CWC27: variants seen among roughly 807,000 people sequenced by gnomAD.
CWC27 encodes the protein spliceosome-associated protein CWC27 homolog.
In CWC27, 47 loss-of-function variants were observed where a neutral mutation model predicts 63.6. The ratio of observed to expected loss-of-function variants is 0.74; its 90% CI spans 0.58 to 0.94. The LOEUF is 0.94. Among genes scored for constraint, CWC27 ranks in the 40% least tolerant of loss-of-function variants. The pLI, the probability that CWC27 is intolerant of heterozygous loss-of-function variation, is 0.00. For missense variants in CWC27, 495 were observed against 554.3 expected, an observed-to-expected ratio of 0.89 and a Z score of 1.07; for synonymous variants, 175 against 179.8, an observed-to-expected ratio of 0.97 and a Z score of 0.22.
intron 10 of CWC27, among the ~76,000 whole-genome samples, chr5:64,863,717 G>T (rs772726745): frequency 1.3e-5 from 2 of 152,074 alleles, no homozygotes; most frequent in Admixed American, 6.6e-5. Context: ...TCAAACTCCT[G>T]GCTTCAAGTG....
At chr5:64,792,536 CTTT>C (rs951751919) in intron 7 of CWC27, among the ~76,000 whole-genome samples, 6 of 152,082 alleles carry the variant, frequency 3.9e-5, no homozygotes, top group African/African-American at 1.2e-4. Flanking sequence ...TTTTAAAAAT[CTTT>C]TTTTTCTTAC....
chr5:64,941,130 C>G (rs1748471225), intron 11 of CWC27, among the ~76,000 whole-genome samples: 1 of 152,104 alleles, frequency 6.6e-6, no homozygotes, highest in South Asian at 2.1e-4. Context: ...TTGAGCACTT[C>G]CTTGTTTTCT....
chr5:64,807,654 C>G (rs1744732168), intron 10 of CWC27: 7 of 1,535,904 alleles, frequency 4.6e-6, no homozygotes, highest in Non-Finnish European at 6.1e-6. Flanking sequence ...CAGAATCACA[C>G]AGGCATATAC....
chr5:64,858,879 A>T (rs530829209), intron 10 of CWC27, among the ~76,000 whole-genome samples: 1 of 152,376 alleles, frequency 6.6e-6, no homozygotes, highest in East Asian at 1.9e-4. Context: ...CATCATGCCC[A>T]GATATTTATG....
At chr5:64,913,201 A>G (rs1747825540) in intron 11 of CWC27, among the ~76,000 whole-genome samples, 1 of 152,154 alleles carries the variant, frequency 6.6e-6, no homozygotes, top group Non-Finnish European at 1.5e-5. Flanking sequence ...TTCAGTATGC[A>G]TTCATGATTT....
At chr5:64,841,715 G>T (rs62369322) in intron 10 of CWC27, among the ~76,000 whole-genome samples, 53,544 of 151,930 alleles carry the variant, frequency 0.35, 9,871 homozygotes, top group East Asian at 0.51. Flanking sequence ...TGCTCTTGTT[G>T]CCCAGGCTAG....
At position 65,018,618 on chromosome 5, in the gene CWC27, C is replaced by A. The variant is rs865996347; in HGVS notation, c.*297C>A. The stretch of plus-strand genomic sequence containing the variant: ...TTGCAGACTGCAAGCCTGTTTGTGT[C>A]CTTTTACCCTAAAATATATGAAGGC... On this transcript the variant is annotated 3_prime_UTR_variant, in exon 14 of 14. Transcript: ENST00000381070. The A allele has an allele frequency of 4.1e-4, 75 of 182,496 alleles. No homozygotes were observed. Among genetic ancestry groups the A allele is most frequent in the African/African-American group, 1.5e-3 (63 of 42,914 alleles). 11.3% of individuals were successfully genotyped at this position (182,496 alleles called of 1,614,324 possible). A position where few individuals can be genotyped will look rare whatever the true frequency, so the allele number is the denominator to read the frequency against.
rs79491563 is a variant in CWC27, at chr5:64,989,489, A to G, written c.1256+12251A>G. 1.7e-3 allele frequency among the ~76,000 whole-genome samples: 265 copies of G among 152,376 alleles called. 1 individual carries two copies. Among genetic ancestry groups the G allele is most frequent in the Non-Finnish European group, 3.3e-3 (224 of 68,038 alleles). On this transcript the variant is annotated intron_variant, in intron 13 of 13. Transcript: ENST00000381070. The stretch of plus-strand genomic sequence containing the variant: ...GAATTGCTATTAGAGAGAATAATGT[A>G]TTTCTTGGGAAAAGCACTGTGCCTT...
chr5:64,977,238 G>T lies in CWC27; in HGVS notation c.1256G>T (p.Trp419Leu). 1 of 1,596,318 alleles carries T rather than the reference G, an allele frequency of 6.3e-7. No homozygotes were observed. Among genetic ancestry groups the T allele is most frequent in the South Asian group, 1.1e-5 (1 of 89,876 alleles). ...PETEVEDDEGWMSHVLQFEDK... is the reference protein window; with the variant it reads ...PETEVEDDEGLMSHVLQFEDK... ...ACAGAAGTAGAAGATGATGAAGGAT[G>T]GTAAGGGCTTTGATTTCTGTATATT... The change falls in exon 13 of 14, where the codon TGG becomes TTG. Residue 419 changes from tryptophan to leucine, a missense_variant and splice_region_variant. Around this residue, in one of 3 missense-constraint regions of CWC27, gnomAD observed 463 missense variants for 498.1 expected, o/e 0.93. Transcript: ENST00000381070.
At position 64,821,086 on chromosome 5, in the gene CWC27, ATT is replaced by A. The variant is rs11388495; in HGVS notation, c.938+16718_938+16719del. Among the ~76,000 whole-genome samples, 162 of 132,654 alleles carry A rather than the reference ATT, an allele frequency of 1.2e-3. 1 individual carries two copies. The highest frequency in any genetic ancestry group is 4.3e-3 in the African/African-American group (154 of 35,418). 87.0% of individuals were successfully genotyped at this position (132,654 alleles called of 152,430 possible). On this transcript the variant is annotated intron_variant, in intron 10 of 13. Transcript: ENST00000381070. ...AATTCAACTATAAGAAAACAAAGCA[ATT>A]TTTTTTTTTTTTTTTTTGAGAGAGT...
chr5:65,016,821 G>A (rs1750056342), intron 13 of CWC27, among the ~76,000 whole-genome samples: 1 of 152,092 alleles, frequency 6.6e-6, no homozygotes, highest in African/African-American at 2.4e-5. Context: ...AAAAGAGTGA[G>A]GGATCTTCAC....
chr5:64,909,364 A>T (rs1747735496), intron 11 of CWC27, among the ~76,000 whole-genome samples: 1 of 152,078 alleles, frequency 6.6e-6, no homozygotes, highest in Non-Finnish European at 1.5e-5. Context: ...GGCTGCCCTT[A>T]ACATTTTTTC....
chr5:64,958,991 T>C (rs1748854297), intron 11 of CWC27, among the ~76,000 whole-genome samples: 1 of 152,130 alleles, frequency 6.6e-6, no homozygotes, highest in Non-Finnish European at 1.5e-5. Flanking sequence ...GACCACCAGA[T>C]GGAGCCAGTA....
chr5:64,942,769 T>C (rs1374233382), intron 11 of CWC27, among the ~76,000 whole-genome samples: 1 of 152,240 alleles, frequency 6.6e-6, no homozygotes, highest in Non-Finnish European at 1.5e-5. Flanking sequence ...GACTAAATAA[T>C]TTTTCTTGCC....
intron 13 of CWC27, among the ~76,000 whole-genome samples, chr5:65,006,855 A>C (rs990829467): frequency 6.6e-6 from 1 of 152,042 alleles, no homozygotes; most frequent in African/African-American, 2.4e-5. Flanking sequence ...GGCTTAATAC[A>C]TGGATGATGA....
intron 11 of CWC27, among the ~76,000 whole-genome samples, chr5:64,907,231 G>C (rs1268066624): frequency 6.6e-6 from 1 of 152,104 alleles, no homozygotes; most frequent in Non-Finnish European, 1.5e-5. Context: ...GATGGGGATG[G>C]CATTGAATCT....
At chr5:64,786,687 A>G (rs914043177) in intron 6 of CWC27, 60 bp downstream of exon 6, 172 of 1,009,266 alleles carry the variant, frequency 1.7e-4, no homozygotes, top group Non-Finnish European at 2.2e-4. Context: ...CATTTAGTTT[A>G]CTATATTTCC....
intron 11 of CWC27, among the ~76,000 whole-genome samples, chr5:64,948,145 A>T (rs1748627142): frequency 6.6e-6 from 1 of 152,004 alleles, no homozygotes; most frequent in Non-Finnish European, 1.5e-5. Context: ...TCTAGTCTCT[A>T]GGTTAGAGTT....
intron 10 of CWC27, among the ~76,000 whole-genome samples, chr5:64,836,004 A>G (rs1745650231): frequency 6.6e-6 from 1 of 151,858 alleles, no homozygotes; most frequent in Non-Finnish European, 1.5e-5. Flanking sequence ...ACCTAACCCA[A>G]GAAGAAAATA....
Sources: gnomAD v4.1 joint callset for allele counts (sites outside exome capture counted in the v4.1 genomes callset) on GRCh38, gnomAD v4.1.1 for gene constraint, gnomAD v4.1.1 regional missense constraint, MANE v1.5 for transcripts, NCBI Gene and HGNC (gene_info 2026-07-23, HGNC 2026-07-21) for gene names.